MGAT5: variants seen among roughly 807,000 people sequenced by gnomAD.
The protein encoded by MGAT5 is alpha-1,6-mannosylglycoprotein 6-beta-N-acetylglucosaminyltransferase A.
MGAT5 carries 30 observed loss-of-function variants against 94.3 expected under a neutral mutation model. The ratio of observed to expected loss-of-function variants is 0.32; its 90% CI spans 0.24 to 0.43. The LOEUF (loss-of-function observed/expected upper bound fraction) is 0.43. Ranked by LOEUF, MGAT5 falls within the 20% of genes least tolerant of loss-of-function variation. The probability of loss-of-function intolerance (pLI) is 1.00; values close to 1 mark genes in which losing one functional copy is unlikely to be tolerated. For synonymous variants in MGAT5, 310 were observed against 322.9 expected, an observed-to-expected ratio of 0.96 and a Z score of 0.43; for missense variants, 691 against 905.5, an observed-to-expected ratio of 0.76 and a Z score of 3.04.
Position 134,283,251 on chromosome 2 carries a change from C to T in MGAT5, c.406+12701C>T, listed in dbSNP as rs963701634. Among the ~76,000 whole-genome samples the T allele has an allele frequency of 1.2e-4, 19 of 152,228 alleles. 1 individual carries two copies. The East Asian group carries it at 3.3e-3, about 26-fold the overall frequency. On this transcript the variant is annotated intron_variant, in intron 2 of 15. Transcript: ENST00000281923. The stretch of plus-strand genomic sequence containing the variant: ...AGTTCTCTCATCTGTACAGCAGAAA[C>T]TAGCTCATGGGGCCACATGAGAAAG...
At chr2:134,265,846 G>T (rs887307753) in intron 1 of MGAT5, among the ~76,000 whole-genome samples, 2 of 152,062 alleles carry the variant, frequency 1.3e-5, no homozygotes, top group African/African-American at 2.4e-5. Flanking sequence ...TTGTACAGTT[G>T]TATTGAACAA....
intron 1 of MGAT5, among the ~76,000 whole-genome samples, chr2:134,239,019 G>A (rs1342791449): frequency 6.6e-6 from 1 of 152,104 alleles, no homozygotes. Flanking sequence ...TTTGTTTTGA[G>A]ACAGAGTCTT....
intron 14 of MGAT5, among the ~76,000 whole-genome samples, chr2:134,436,929 C>T (rs951365888): frequency 4.5e-4 from 69 of 152,344 alleles, no homozygotes; most frequent in African/African-American, 1.2e-3. Context: ...CACATTCCAT[C>T]GCCATATCAC....
At chr2:134,126,046 A>C (rs1250034157) in intron 1 of MGAT5, among the ~76,000 whole-genome samples, 1 of 152,232 alleles carries the variant, frequency 6.6e-6, no homozygotes, top group Non-Finnish European at 1.5e-5. Flanking sequence ...CTGTGAAGAC[A>C]TTCCCGCAGT....
chr2:134,178,936 C>T (rs1036953648), intron 1 of MGAT5, among the ~76,000 whole-genome samples: 2 of 152,178 alleles, frequency 1.3e-5, no homozygotes, highest in African/African-American at 4.8e-5. Context: ...TATAGTCCAT[C>T]TTCATTATTC....
At chr2:134,177,144 C>CGTGTGTGTGTGTGTGTGTGTGGGTGT (rs141358502) in intron 1 of MGAT5, among the ~76,000 whole-genome samples, 1 of 142,530 alleles carries the variant, frequency 7.0e-6, no homozygotes, top group African/African-American at 2.8e-5. Flanking sequence ...CAAATGAACC[C>CGTGTGTGTGTGTGTGTGTGTGGGTGT]GTGTGTGTGT....
At chr2:134,318,402 G>A (rs1687126611) in intron 3 of MGAT5, among the ~76,000 whole-genome samples, 1 of 152,084 alleles carries the variant, frequency 6.6e-6, no homozygotes, top group Non-Finnish European at 1.5e-5. Flanking sequence ...GCTGTACCAC[G>A]ACCTTACTCT....
At chr2:134,219,665 C>T (rs1680660668) in intron 1 of MGAT5, among the ~76,000 whole-genome samples, 1 of 152,206 alleles carries the variant, frequency 6.6e-6, no homozygotes, top group South Asian at 2.1e-4. Context: ...TTAACCATCA[C>T]TACTAAGTTG....
rs1243698925 is a variant in MGAT5, at chr2:134,449,986, G to A, written c.*1139G>A. 6.6e-6 allele frequency: 1 copy of A among 152,318 alleles called. No homozygotes were observed. The highest frequency in any genetic ancestry group is 2.4e-5 in the African/African-American group (1 of 41,408). The allele number at this position is 152,318 out of a possible 1,614,324, so 9.4% of individuals were successfully genotyped here. A position where few individuals can be genotyped will look rare whatever the true frequency, so the allele number is the denominator to read the frequency against. On this transcript the variant is annotated 3_prime_UTR_variant, in exon 16 of 16. Transcript: ENST00000281923. ...CCCTGTCCTGGCTACTCACCTGAGG[G>A]TGTAGCTCGCAAAGGTGGGAATCTG...
chr2:134,351,720 T>A (rs1263909239), intron 9 of MGAT5, among the ~76,000 whole-genome samples: 1 of 152,110 alleles, frequency 6.6e-6, no homozygotes, highest in Admixed American at 6.6e-5. Flanking sequence ...AAAATTGATA[T>A]GCTTGACTAT....
chr2:134,280,346 G>T (rs16830319), intron 2 of MGAT5, among the ~76,000 whole-genome samples: 5,128 of 152,212 alleles, frequency 0.034, 307 homozygotes, highest in African/African-American at 0.12. Flanking sequence ...CATTCAGCAA[G>T]TCTCACGTGT....
chr2:134,341,859 A>G, intron 7 of MGAT5, 100 bp downstream of exon 7: 1 of 1,016,114 alleles, frequency 9.8e-7, no homozygotes, highest in Non-Finnish European at 1.4e-6. Context: ...TTGTCGAGGA[A>G]AATGAAAGTG....
intron 1 of MGAT5, among the ~76,000 whole-genome samples, chr2:134,133,068 G>A (rs1404999632): frequency 2.0e-5 from 3 of 152,140 alleles, no homozygotes; most frequent in African/African-American, 4.8e-5. Context: ...ATTAGATCCC[G>A]GCAGTGCCTT....
In MGAT5 at chr2:134,254,537, T is replaced by G; in HGVS notation, c.134T>G (p.Met45Arg). ...CGAACTCAGCCTGAAAGCAGCTCCA[T>G]GCTGCGCGAGCAGATCCTGGACCTC... ...QQRTQPESSS[M>R]LREQILDLSK... is the part of the protein sequence containing the mutation. Residue 45 changes from methionine (M) to arginine (R), a missense_variant, in exon 1 of 16, where the codon ATG (methionine) becomes AGG (arginine). Transcript: ENST00000281923. 1 of 1,614,202 alleles carries G rather than the reference T, an allele frequency of 6.2e-7. No homozygotes were observed. The highest frequency in any genetic ancestry group is 8.5e-7 in the Non-Finnish European group (1 of 1,180,034).
intron 15 of MGAT5, among the ~76,000 whole-genome samples, chr2:134,442,701 A>G (rs1225486806): frequency 6.6e-6 from 1 of 152,046 alleles, no homozygotes; most frequent in Non-Finnish European, 1.5e-5. Context: ...TTTCCGTGTG[A>G]GGTTTCTTCT....
chr2:134,343,301 A>G (rs1473319495), intron 7 of MGAT5, among the ~76,000 whole-genome samples: 6 of 152,114 alleles, frequency 3.9e-5, no homozygotes, highest in Non-Finnish European at 1.5e-5. Flanking sequence ...AATGAAACCA[A>G]TTTTTTTCAT....
intron 1 of MGAT5, among the ~76,000 whole-genome samples, chr2:134,261,498 T>A (rs915163088): frequency 1.3e-5 from 2 of 152,142 alleles, no homozygotes; most frequent in Non-Finnish European, 2.9e-5. Flanking sequence ...CTGCATTTGC[T>A]CTCCCCCACC....
chr2:134,270,618 G>A, intron 2 of MGAT5, 68 bp downstream of exon 2: 1 of 1,498,124 alleles, frequency 6.7e-7, no homozygotes, highest in Non-Finnish European at 9.1e-7. Context: ...GAGAATAAAG[G>A]AGAGCAGTGG....
intron 1 of MGAT5, among the ~76,000 whole-genome samples, chr2:134,173,595 A>G (rs1252795289): frequency 2.6e-5 from 4 of 152,174 alleles, no homozygotes. Flanking sequence ...TCTTTCTGCC[A>G]CTAAATATGT....
Sources: allele counts gnomAD v4.1 joint callset (sites outside exome capture counted in the v4.1 genomes callset), GRCh38; gene constraint gnomAD v4.1.1; transcripts MANE v1.5; gene names NCBI Gene and HGNC (gene_info 2026-07-23, HGNC 2026-07-21).